Variants in BIRC6 observed in about 807,000 individuals in gnomAD.
BIRC6 encodes baculoviral IAP repeat containing 6.
In BIRC6, 98 loss-of-function variants were observed where a neutral mutation model predicts 503.3. The ratio of observed to expected loss-of-function variants is 0.19; its 90% CI spans 0.17 to 0.23. BIRC6 has a LOEUF of 0.23. BIRC6 is among the 10% of genes least tolerant of loss of function. BIRC6 has a pLI of 1.00. For synonymous variants in BIRC6, 2,240 were observed against 2,078.7 expected (o/e 1.08, Z -2.11); for missense variants, 5,360 against 5,806.0 (o/e 0.92, Z 2.50).
At chr2:32,487,857 G>A (rs987448483) in intron 41 of BIRC6, 56 bp downstream of exon 41, 1 of 1,445,108 alleles carries the variant, frequency 6.9e-7, no homozygotes, top group Non-Finnish European at 9.6e-7. Flanking sequence ...CCTGGTAAAA[G>A]ATGAAACTAA....
chr2:32,367,494 A>G (rs1358182908), intron 1 of BIRC6, among the ~76,000 whole-genome samples: 1 of 151,872 alleles, frequency 6.6e-6, no homozygotes, highest in African/African-American at 2.4e-5. Flanking sequence ...AAAAACAACA[A>G]AACAGTCTGT....
At chr2:32,408,548 A>G (rs1424611883) in intron 9 of BIRC6, among the ~76,000 whole-genome samples, 2 of 152,066 alleles carry the variant, frequency 1.3e-5, no homozygotes, top group South Asian at 2.1e-4. Flanking sequence ...TTTGTGTGCT[A>G]TAGTTTTGTT....
In BIRC6 at chr2:32,401,229, A is replaced by G. The variant is rs59313773; in HGVS notation, c.1101A>G (p.Pro367=). ...FVKGEHTQNV[P]LSVTLATSPA... ...AAGGTGAGCACACACAGAATGTGCC[A>G]TTGTCAGTCACTCTTGCAACAAGTC... Residue 367 remains proline (P), a synonymous_variant, in exon 7 of 74, where the codon CCA becomes CCG. Transcript: ENST00000421745. 1.9e-6 allele frequency: 3 copies of G among 1,614,050 alleles called. No individual in the cohort carries two copies. The highest frequency in any genetic ancestry group is 1.7e-5 in the Admixed American group (1 of 60,032).
At chr2:32,504,317 T>G (rs935506759) in intron 49 of BIRC6, among the ~76,000 whole-genome samples, 1 of 152,098 alleles carries the variant, frequency 6.6e-6, no homozygotes, top group African/African-American at 2.4e-5. Context: ...CATTGACATC[T>G]TAGAATAAAG....
intron 9 of BIRC6, among the ~76,000 whole-genome samples, chr2:32,409,752 G>C (rs928714516): frequency 8.5e-5 from 13 of 152,206 alleles, no homozygotes; most frequent in African/African-American, 1.2e-4. Context: ...AAGCAGAATA[G>C]AGAAGGGTTT....
chr2:32,567,015 G>A (rs2059579732), intron 65 of BIRC6, among the ~76,000 whole-genome samples: 1 of 152,138 alleles, frequency 6.6e-6, no homozygotes, highest in African/African-American at 2.4e-5. Flanking sequence ...CTGTTACCCA[G>A]GCTAGAGTAC....
intron 15 of BIRC6, among the ~76,000 whole-genome samples, chr2:32,436,886 C>CTTTTTT (rs35067044): frequency 1.1e-5 from 1 of 90,062 alleles, no homozygotes; most frequent in Non-Finnish European, 2.1e-5. Context: ...TTTGTTTTTT[C>CTTTTTT]TTTTTTTTTT....
At chr2:32,594,105 A>G (rs761603587) in intron 67 of BIRC6, 45 bp downstream of exon 67, 1 of 1,565,916 alleles carries the variant, frequency 6.4e-7, no homozygotes, top group Admixed American at 1.9e-5. Context: ...TGATGTAAAG[A>G]TGTTTCATTT....
intron 66 of BIRC6, among the ~76,000 whole-genome samples, chr2:32,577,895 A>T (rs911903299): frequency 1.3e-5 from 2 of 152,242 alleles, no homozygotes; most frequent in Non-Finnish European, 2.9e-5. Context: ...CTTCAGACTT[A>T]TAAACTATGT....
chr2:32,573,024 A>G (rs1306011431), intron 65 of BIRC6, among the ~76,000 whole-genome samples: 1 of 152,164 alleles, frequency 6.6e-6, no homozygotes, highest in Admixed American at 6.5e-5. Context: ...GGACTCCCAC[A>G]ATTCTCCTCC....
At chr2:32,584,497 C>G (rs565869721) in intron 66 of BIRC6, among the ~76,000 whole-genome samples, 2 of 152,214 alleles carry the variant, frequency 1.3e-5, no homozygotes, top group Admixed American at 1.3e-4. Flanking sequence ...AGTGCCATTG[C>G]ACTCCAGCCT....
At chr2:32,524,620 A>T (rs567280782) in intron 57 of BIRC6, 2 of 162,170 alleles carry the variant, frequency 1.2e-5, no homozygotes, top group Non-Finnish European at 1.3e-5. Flanking sequence ...TTGTTTCTGG[A>T]GGTGGTACCA....
Position 32,481,260 on chromosome 2 carries a change from A to T in BIRC6, c.7409-60A>T, listed in dbSNP as rs183082851. 7 of 1,365,098 alleles carry T rather than the reference A, an allele frequency of 5.1e-6. No individual in the cohort carries two copies. In the East Asian group the frequency reaches 1.6e-4, roughly 31 times the overall value. The allele number at this position is 1,365,098 out of a possible 1,614,324, so 84.6% of individuals were successfully genotyped here. A position where few individuals can be genotyped will look rare whatever the true frequency, so the allele number is the denominator to read the frequency against. Reference sequence around the variant, plus strand: ...ATAACTTTTTTTAACTAAAAGCATTATGTCATCTAAATTTTATGTGATACA... The same window carrying T: ...ATAACTTTTTTTAACTAAAAGCATTTTGTCATCTAAATTTTATGTGATACA... On this transcript the variant is annotated intron_variant, in intron 37 of 73. Coordinates refer to ENST00000421745, the MANE Select transcript of BIRC6 (RefSeq NM_016252.4).
At chr2:32,525,083 G>A (rs1451166559) in intron 58 of BIRC6, 64 bp downstream of exon 58, 3 of 1,335,336 alleles carry the variant, frequency 2.2e-6, no homozygotes, top group Non-Finnish European at 2.9e-6. Context: ...TAGAATTTTA[G>A]TTACAGGAAA....
At chr2:32,363,901 T>C (rs1177582934) in intron 1 of BIRC6, among the ~76,000 whole-genome samples, 2 of 152,202 alleles carry the variant, frequency 1.3e-5, no homozygotes, top group Non-Finnish European at 2.9e-5. Flanking sequence ...CGTGATTACT[T>C]TAAAAAATGT....
At chr2:32,548,360 GC>G (rs2058196444) in intron 64 of BIRC6, among the ~76,000 whole-genome samples, 1 of 109,470 alleles carries the variant, frequency 9.1e-6, no homozygotes, top group African/African-American at 3.4e-5. Context: ...CATTTTGGTT[GC>G]TTACTTTTTT....
chr2:32,582,079 G>C (rs1221603841), intron 66 of BIRC6, among the ~76,000 whole-genome samples: 1 of 152,080 alleles, frequency 6.6e-6, no homozygotes, highest in African/African-American at 2.4e-5. Context: ...AGCTGGTCTT[G>C]AACTCCTGAC....
Position 32,499,753 on chromosome 2 carries a change from G to A in BIRC6, c.8675G>A (p.Cys2892Tyr). 1 of 1,613,996 alleles carries A rather than the reference G, an allele frequency of 6.2e-7. No individual in the cohort carries two copies. Among genetic ancestry groups the A allele is most frequent in the Non-Finnish European group, 8.5e-7 (1 of 1,179,858 alleles). The change falls in exon 46 of 74, where the codon TGC becomes TAC. Residue 2892 changes from cysteine to tyrosine, a missense_variant. Physicochemically the swap from Cys to Tyr is radical, Grantham distance 194 (BLOSUM62 -2). Coordinates refer to ENST00000421745, the MANE Select transcript of BIRC6 (RefSeq NM_016252.4). ...GATAGCTCCGTGGGTGCTCGAGCAT[G>A]CTTTGGGGGACTCTTTGCCAATCTT... ...GSDSSVGARACFGGLFANLIR... is the reference protein window; with the variant it reads ...GSDSSVGARAYFGGLFANLIR...
intron 39 of BIRC6, among the ~76,000 whole-genome samples, chr2:32,484,219 C>T (rs1401374607): frequency 1.3e-5 from 2 of 152,080 alleles, no homozygotes; most frequent in African/African-American, 4.8e-5. Context: ...GAATGGTACT[C>T]GGAAACTATA....
Sources: allele counts gnomAD v4.1 joint callset (sites outside exome capture counted in the v4.1 genomes callset), GRCh38; gene constraint gnomAD v4.1.1; transcripts MANE v1.5; gene names NCBI Gene and HGNC (gene_info 2026-07-23, HGNC 2026-07-21).